DUSP16: variants seen among roughly 807,000 people sequenced by gnomAD.
DUSP16 encodes dual specificity phosphatase 16, also known as dual specificity protein phosphatase 16.
Under a neutral mutation model 58.3 loss-of-function variants are expected in DUSP16, and 21 were observed. The observed-to-expected ratio is 0.36, with a 90% confidence interval of 0.26 to 0.52. The LOEUF is 0.52. Ranked by LOEUF, DUSP16 falls within the 20% of genes least tolerant of loss-of-function variation. The pLI is 0.94. For synonymous variants in DUSP16, 320 were observed against 323.8 expected (o/e 0.99, Z 0.12); for missense variants, 726 against 819.0 (o/e 0.89, Z 1.39).
intron 1 of DUSP16, among the ~76,000 whole-genome samples, chr12:12,546,693 C>A (rs1005526491): frequency 5.3e-5 from 8 of 152,180 alleles, no homozygotes; most frequent in African/African-American, 1.9e-4. Context: ...CATTCTGAGT[C>A]ACCCTACATA....
At chr12:12,486,966 G>T (rs1943694000) in intron 5 of DUSP16, 62 bp downstream of exon 5, 1 of 1,581,696 alleles carries the variant, frequency 6.3e-7, no homozygotes, top group East Asian at 2.3e-5. Flanking sequence ...GGGGGCTGAG[G>T]GGGTTCACCT....
intron 1 of DUSP16, among the ~76,000 whole-genome samples, chr12:12,532,923 G>C (rs1323606035): frequency 6.6e-6 from 1 of 150,784 alleles, no homozygotes; most frequent in Non-Finnish European, 1.5e-5. Context: ...ACTCCAGCCT[G>C]GGGGACGAGA....
At chr12:12,544,451 TACAC>T (rs1944609512) in intron 1 of DUSP16, among the ~76,000 whole-genome samples, 3 of 152,176 alleles carry the variant, frequency 2.0e-5, no homozygotes, top group Non-Finnish European at 4.4e-5. Flanking sequence ...TGAGCATAAG[TACAC>T]ATTTCTGTTG....
rs574428951 is a variant in DUSP16 at position 12,555,398 on chromosome 12, A to T, written c.-366+6719T>A. ...AACGGCTATAAAAAGCAACAGGTGTAAGAACTGACTGAAATTATTTGACAA... is the reference window on the plus strand; with the variant it reads ...AACGGCTATAAAAAGCAACAGGTGTTAGAACTGACTGAAATTATTTGACAA... On this transcript the variant is annotated intron_variant, in intron 1 of 6. Transcript: ENST00000298573. Among the ~76,000 whole-genome samples the T allele has an allele frequency of 2.0e-5, 3 of 152,374 alleles. No individual in the cohort carries two copies. In the South Asian group the frequency reaches 6.2e-4, roughly 32 times the overall value.
chr12:12,548,884 G>C (rs1378086006), intron 1 of DUSP16, among the ~76,000 whole-genome samples: 3 of 152,076 alleles, frequency 2.0e-5, no homozygotes, highest in Non-Finnish European at 4.4e-5. Flanking sequence ...GGGATTTCAA[G>C]TGGGTTGTCC....
chr12:12,476,962 A>G lies in DUSP16; in HGVS notation c.1869T>C (p.Phe623=). ...ATTCCATTTGGCAGCTTCTGCGTTT[A>G]AACTGCTTTTCAAAGGGGCTCTCTT... is the stretch of plus-strand genomic sequence containing the variant. ...WHEESPFEKQ[F]KRRSCQMEFG... Residue 623 remains phenylalanine (F), a synonymous_variant, in exon 7 of 7, where the codon TTT becomes TTC. Transcript: ENST00000298573. The G allele has an allele frequency of 1.2e-6, 2 of 1,614,130 alleles. No individual in the cohort carries two copies.
chr12:12,560,183 G>C (rs1056911975), intron 1 of DUSP16, among the ~76,000 whole-genome samples: 1 of 151,784 alleles, frequency 6.6e-6, no homozygotes, highest in Non-Finnish European at 1.5e-5. Flanking sequence ...CTATAATCAA[G>C]CCAAATGAGA....
In DUSP16 at chr12:12,475,260, T is replaced by G. The variant is rs371639459; in HGVS notation, c.*1573A>C. 2 of 136,182 alleles carry G rather than the reference T, an allele frequency of 1.5e-5. No individual in the cohort carries two copies. Among genetic ancestry groups the G allele is most frequent in the African/African-American group, 5.6e-5 (2 of 35,996 alleles). The allele number at this position is 136,182 out of a possible 1,614,324, so 8.4% of individuals were successfully genotyped here. ...ACCCCCAAAAAGCTGCTGTTGTGAATTAAGGCTTCAAAAGAGGACCCACAT... is the reference window on the plus strand; with the variant it reads ...ACCCCCAAAAAGCTGCTGTTGTGAAGTAAGGCTTCAAAAGAGGACCCACAT... On this transcript the variant is annotated 3_prime_UTR_variant, in exon 7 of 7. Coordinates refer to ENST00000298573, the MANE Select transcript of DUSP16 (RefSeq NM_030640.3).
chr12:12,497,137 G>C (rs1024983601), intron 4 of DUSP16, among the ~76,000 whole-genome samples: 1 of 152,170 alleles, frequency 6.6e-6, no homozygotes, highest in Non-Finnish European at 1.5e-5. Context: ...TATACTGATT[G>C]CATGTTGAAA....
intron 6 of DUSP16, among the ~76,000 whole-genome samples, chr12:12,479,033 A>G (rs961397019): frequency 7.9e-5 from 12 of 152,100 alleles, no homozygotes; most frequent in African/African-American, 2.9e-4. Flanking sequence ...CAGCTACTAA[A>G]TGATGGTGCT....
chr12:12,536,827 C>T (rs1023455934), intron 1 of DUSP16, among the ~76,000 whole-genome samples: 1 of 151,786 alleles, frequency 6.6e-6, no homozygotes. Context: ...CGCCTGAGGT[C>T]GGGAGTTCGA....
intron 1 of DUSP16, among the ~76,000 whole-genome samples, chr12:12,528,202 T>A (rs1233977468): frequency 6.6e-6 from 1 of 152,024 alleles, no homozygotes; most frequent in Non-Finnish European, 1.5e-5. Flanking sequence ...CTGCCACCCA[T>A]GTATGTATCC....
intron 1 of DUSP16, among the ~76,000 whole-genome samples, chr12:12,526,471 T>A (rs1944309747): frequency 6.6e-6 from 1 of 152,226 alleles, no homozygotes; most frequent in African/African-American, 2.4e-5. Context: ...AAGTTATGTT[T>A]AAGAACTGTA....
intron 4 of DUSP16, among the ~76,000 whole-genome samples, chr12:12,491,743 C>A (rs755167106): frequency 2.6e-5 from 4 of 152,132 alleles, no homozygotes; most frequent in Non-Finnish European, 4.4e-5. Flanking sequence ...CTCATCTTGG[C>A]CTCTCACTCT....
intron 1 of DUSP16, among the ~76,000 whole-genome samples, chr12:12,536,779 T>G (rs1446584990): frequency 6.6e-6 from 1 of 150,852 alleles, no homozygotes; most frequent in Non-Finnish European, 1.5e-5. Flanking sequence ...GGCTCACACC[T>G]GTAATCCCAA....
At chr12:12,493,045 C>G (rs1417842899) in intron 4 of DUSP16, among the ~76,000 whole-genome samples, 1 of 152,128 alleles carries the variant, frequency 6.6e-6, no homozygotes, top group Non-Finnish European at 1.5e-5. Flanking sequence ...ATCTGATCAT[C>G]TCTTATGACA....
chr12:12,507,329 C>A (rs1944011378), intron 3 of DUSP16, among the ~76,000 whole-genome samples: 1 of 152,138 alleles, frequency 6.6e-6, no homozygotes. Flanking sequence ...AGACAGAGGG[C>A]CTTTCCACTC....
At chr12:12,528,142 C>T (rs1944331729) in intron 1 of DUSP16, among the ~76,000 whole-genome samples, 1 of 152,150 alleles carries the variant, frequency 6.6e-6, no homozygotes, top group Admixed American at 6.6e-5. Flanking sequence ...CCTTCCCTGA[C>T]CCACCTGAGC....
chr12:12,541,690 C>T (rs1342027244), intron 1 of DUSP16, among the ~76,000 whole-genome samples: 1 of 152,156 alleles, frequency 6.6e-6, no homozygotes, highest in African/African-American at 2.4e-5. Flanking sequence ...ATGTGTTCCA[C>T]CACAAACCCT....
Sources: allele counts gnomAD v4.1 joint callset (sites outside exome capture counted in the v4.1 genomes callset), GRCh38; gene constraint gnomAD v4.1.1; transcripts MANE v1.5; gene names NCBI Gene and HGNC (gene_info 2026-07-23, HGNC 2026-07-21).